Variants in CNOT1 observed in about 807,000 individuals in gnomAD.
CNOT1 encodes CCR4-associated factor 1.
In CNOT1, 15 loss-of-function variants were observed where a neutral mutation model predicts 273.8. That is an observed-to-expected ratio of 0.05 (90% CI 0.04 to 0.08). The LOEUF is 0.08. Among genes scored for constraint, CNOT1 ranks in the 10% least tolerant of loss-of-function variants. CNOT1 has a pLI of 1.00. For synonymous variants in CNOT1, 1,022 were observed against 1,005.5 expected (o/e 1.02, Z -0.31); for missense variants, 1,644 against 2,912.2 (o/e 0.56, Z 10.02).
At chr16:58,540,668 G>T (rs1223646493) in intron 34 of CNOT1, among the ~76,000 whole-genome samples, 3 of 152,174 alleles carry the variant, frequency 2.0e-5, no homozygotes, top group Non-Finnish European at 2.9e-5. Flanking sequence ...ATTAGATGGA[G>T]TAAGGTTATT....
At chr16:58,628,957 T>C (rs1430815235) in intron 1 of CNOT1, among the ~76,000 whole-genome samples, 1 of 152,258 alleles carries the variant, frequency 6.6e-6, no homozygotes, top group Non-Finnish European at 1.5e-5. Context: ...TTATCAGCCT[T>C]GAGGCCTACA....
intron 1 of CNOT1, among the ~76,000 whole-genome samples, chr16:58,610,105 G>A (rs1312549337): frequency 6.6e-6 from 1 of 152,146 alleles, no homozygotes; most frequent in Admixed American, 6.6e-5. Flanking sequence ...ATTGGAAAGG[G>A]GAGAGAGGGC....
intron 1 of CNOT1, among the ~76,000 whole-genome samples, chr16:58,629,076 C>G (rs2043707060): frequency 6.6e-6 from 1 of 152,260 alleles, no homozygotes; most frequent in South Asian, 2.1e-4. Flanking sequence ...TGTGAGCGCC[C>G]AGGCGCGCGA....
At chr16:58,574,392 A>G (rs967216366) in intron 16 of CNOT1, among the ~76,000 whole-genome samples, 2 of 151,126 alleles carry the variant, frequency 1.3e-5, no homozygotes, top group African/African-American at 2.4e-5. Context: ...GGATATTCAC[A>G]TGCAAAAGAT....
At chr16:58,526,769 C>T (rs1342716613) in intron 44 of CNOT1, among the ~76,000 whole-genome samples, 2 of 148,296 alleles carry the variant, frequency 1.3e-5, no homozygotes, top group African/African-American at 5.0e-5. Flanking sequence ...TGAGCCACAG[C>T]TCGCGCCATT....
intron 16 of CNOT1, among the ~76,000 whole-genome samples, chr16:58,570,903 T>C (rs916719292): frequency 5.3e-5 from 8 of 151,674 alleles, no homozygotes; most frequent in African/African-American, 1.9e-4. Context: ...AGACAGGCAG[T>C]AATGGAAGAA....
At chr16:58,551,877 G>T in intron 22 of CNOT1, 58 bp from the exon 23 acceptor site, 1 of 1,591,818 alleles carries the variant, frequency 6.3e-7, no homozygotes. Context: ...TGGATTATAC[G>T]TCCCTCTTTT....
intron 45 of CNOT1, 138 bp from the exon 46 acceptor site, chr16:58,525,497 GTTAT>G (rs2039553292): frequency 5.6e-6 from 4 of 714,120 alleles, no homozygotes; most frequent in Non-Finnish European, 6.9e-6. Context: ...AATTTGTGAG[GTTAT>G]TTAACAAACA....
intron 18 of CNOT1, among the ~76,000 whole-genome samples, chr16:58,557,891 G>A (rs1227546922): frequency 2.6e-5 from 4 of 152,156 alleles, no homozygotes; most frequent in Non-Finnish European, 5.9e-5. Flanking sequence ...TCGGGAGGCT[G>A]AGGCAGGAGA....
chr16:58,600,925 A>C (rs1262464375), intron 1 of CNOT1, among the ~76,000 whole-genome samples: 1 of 152,180 alleles, frequency 6.6e-6, no homozygotes, highest in Admixed American at 6.6e-5. Flanking sequence ...TAAGCAACAT[A>C]GTGAGATCCC....
chr16:58,553,542 TA>T (rs1354159299), intron 22 of CNOT1, among the ~76,000 whole-genome samples: 1 of 152,074 alleles, frequency 6.6e-6, no homozygotes, highest in Non-Finnish European at 1.5e-5. Flanking sequence ...AAAGAATGAG[TA>T]AAAAGTTTTT....
intron 8 of CNOT1, among the ~76,000 whole-genome samples, chr16:58,583,393 T>C (rs1166237811): frequency 2.0e-5 from 3 of 152,204 alleles, no homozygotes; most frequent in Admixed American, 6.5e-5. Flanking sequence ...TTATTCTAAG[T>C]AACTCGGGAA....
chr16:58,568,453 A>G (rs537468346), intron 16 of CNOT1, among the ~76,000 whole-genome samples: 2 of 152,258 alleles, frequency 1.3e-5, no homozygotes, highest in Admixed American at 1.3e-4. Flanking sequence ...TGGGAGGCCA[A>G]GGCAGGCAGA....
chr16:58,586,773 C>G (rs764318333), intron 6 of CNOT1, 25 bp from the exon 7 acceptor site: 5 of 1,608,894 alleles, frequency 3.1e-6, no homozygotes, highest in Non-Finnish European at 4.2e-6. Context: ...AACCAAAAAC[C>G]GCAAGTTACT....
intron 1 of CNOT1, among the ~76,000 whole-genome samples, chr16:58,602,568 A>AAAC (rs1555501307): frequency 6.8e-6 from 1 of 147,170 alleles, no homozygotes; most frequent in East Asian, 2.1e-4. Flanking sequence ...AAAAAAAAAA[A>AAAC]AAAAAAAAAC....
chr16:58,529,767 G>A (rs1458391723), intron 43 of CNOT1, among the ~76,000 whole-genome samples: 1 of 148,326 alleles, frequency 6.7e-6, no homozygotes, highest in Non-Finnish European at 1.5e-5. Context: ...CTTGAACCTG[G>A]GAGGTGGAGG....
intron 44 of CNOT1, chr16:58,527,934 G>A: frequency 7.5e-6 from 2 of 266,002 alleles, no homozygotes; most frequent in South Asian, 6.8e-5. Context: ...TGGCTGACAT[G>A]GCGAAACCCC....
In CNOT1 at chr16:58,522,593, T is replaced by C. The variant is rs1001481327; in HGVS notation, c.6917+777A>G. 3.3e-5 allele frequency among the ~76,000 whole-genome samples: 5 copies of C among 152,342 alleles called. No individual in the cohort carries two copies. In the East Asian group the frequency reaches 7.7e-4, roughly 24 times the overall value. ...GTGTATCACAATCTCTCTAATGCTA[T>C]ATGTAGTCTAGGCAATCTGGCAACA... On this transcript the variant is annotated intron_variant, in intron 47 of 48. Transcript: ENST00000317147.
chr16:58,613,167 G>T (rs947592184), intron 1 of CNOT1, among the ~76,000 whole-genome samples: 2 of 152,078 alleles, frequency 1.3e-5, no homozygotes, highest in Non-Finnish European at 2.9e-5. Flanking sequence ...AAGTAGCTGG[G>T]ATTACAGGCA....
Sources: gnomAD v4.1 joint callset for allele counts (sites outside exome capture counted in the v4.1 genomes callset) on GRCh38, gnomAD v4.1.1 for gene constraint, MANE v1.5 for transcripts, NCBI Gene and HGNC (gene_info 2026-07-23, HGNC 2026-07-21) for gene names.